Variants in DDX4 observed in about 807,000 individuals in gnomAD.
The protein encoded by DDX4 is DEAD-box helicase 4.
A neutral mutation model predicts 100.0 loss-of-function variants in DDX4; 25 were observed. That is an observed-to-expected ratio of 0.25 (90% CI 0.18 to 0.35). The LOEUF (loss-of-function observed/expected upper bound fraction) is 0.35, where lower values mean the gene tolerates loss of function less well. DDX4 is among the 10% of genes least tolerant of loss of function. DDX4 has a pLI of 1.00. For synonymous variants in DDX4, 259 were observed against 275.7 expected, an observed-to-expected ratio of 0.94 and a Z score of 0.60; for missense variants, 635 against 882.4, an observed-to-expected ratio of 0.72 and a Z score of 3.55.
intron 12 of DDX4, 102 bp from the exon 13 acceptor site, chr5:55,785,627 C>A: frequency 1.6e-6 from 2 of 1,280,600 alleles, no homozygotes; most frequent in South Asian, 2.8e-5. Flanking sequence ...GTGGGAAGTT[C>A]CATAGTATTT....
At chr5:55,815,472 A>G (rs773637075) in intron 21 of DDX4, 49 bp downstream of exon 21, 1 of 1,577,650 alleles carries the variant, frequency 6.3e-7, no homozygotes, top group East Asian at 2.2e-5. Flanking sequence ...TACTCTTTGT[A>G]AATGTTGTGC....
chr5:55,753,413 A>G (rs1033005321), intron 3 of DDX4, among the ~76,000 whole-genome samples: 44 of 152,110 alleles, frequency 2.9e-4, no homozygotes, highest in Non-Finnish European at 5.3e-4. Flanking sequence ...TCCCAGCACC[A>G]TTTATTAAAT....
intron 18 of DDX4, among the ~76,000 whole-genome samples, chr5:55,800,368 G>A (rs1743218740): frequency 1.4e-5 from 2 of 147,980 alleles, no homozygotes; most frequent in African/African-American, 5.1e-5. Flanking sequence ...CTGTCACCCA[G>A]GCTGGAGTAC....
chr5:55,792,494 G>A (rs112822749), intron 16 of DDX4, 147 bp from the exon 17 acceptor site: 17,987 of 342,212 alleles, frequency 0.053, 781 homozygotes, highest in African/African-American at 0.15. Flanking sequence ...CAGGTAGCTG[G>A]GACTACAGGC....
At chr5:55,809,448 A>G (rs1053833253) in intron 18 of DDX4, among the ~76,000 whole-genome samples, 24 of 152,182 alleles carry the variant, frequency 1.6e-4, no homozygotes, top group African/African-American at 5.5e-4. Context: ...CTATTTGGCC[A>G]TCTTGGCTCC....
At chr5:55,757,170 A>T (rs1194640426) in intron 3 of DDX4, among the ~76,000 whole-genome samples, 1 of 152,120 alleles carries the variant, frequency 6.6e-6, no homozygotes, top group East Asian at 1.9e-4. Flanking sequence ...TTACATGAGT[A>T]AGTTCTTTAG....
chr5:55,793,131 A>T (rs1742699207), intron 17 of DDX4, among the ~76,000 whole-genome samples: 2 of 151,612 alleles, frequency 1.3e-5, no homozygotes, highest in South Asian at 4.2e-4. Context: ...AGTTATTTTT[A>T]TTATTATGCC....
chr5:55,776,794 G>A (rs1039268048), intron 7 of DDX4, among the ~76,000 whole-genome samples: 16 of 151,920 alleles, frequency 1.1e-4, no homozygotes, highest in Non-Finnish European at 5.9e-5. Context: ...CAGGAAGAAA[G>A]GCATAGGAAA....
chr5:55,793,672 A>T (rs1742733495), intron 17 of DDX4, among the ~76,000 whole-genome samples: 1 of 152,260 alleles, frequency 6.6e-6, no homozygotes, highest in Admixed American at 6.5e-5. Flanking sequence ...TAGGTGGGCC[A>T]GTAGTGCTTG....
intron 1 of DDX4, 23 bp downstream of exon 1, chr5:55,738,124 G>A (rs1758790041): frequency 6.6e-6 from 1 of 152,316 alleles, no homozygotes; most frequent in Admixed American, 6.5e-5. Flanking sequence ...CTTTTCTACG[G>A]GAACTGGCCT....
intron 18 of DDX4, among the ~76,000 whole-genome samples, chr5:55,807,803 G>T (rs543332138): frequency 6.6e-6 from 1 of 152,102 alleles, no homozygotes; most frequent in African/African-American, 2.4e-5. Flanking sequence ...TATGTGTCTT[G>T]GAGTTGCTCT....
intron 18 of DDX4, among the ~76,000 whole-genome samples, chr5:55,809,952 G>A (rs1241372668): frequency 6.6e-6 from 1 of 152,144 alleles, no homozygotes; most frequent in African/African-American, 2.4e-5. Flanking sequence ...AGAATTTTGA[G>A]CAGTGTTTCT....
chr5:55,771,946 C>T (rs1276485045), intron 7 of DDX4, among the ~76,000 whole-genome samples: 1 of 152,028 alleles, frequency 6.6e-6, no homozygotes, highest in Non-Finnish European at 1.5e-5. Context: ...ACAGATAGGC[C>T]GGACGCGGTG....
rs776606902 is a variant in DDX4 at position 55,781,979 on chromosome 5, G to A, written c.623G>A (p.Arg208Gln). The A allele has an allele frequency of 8.1e-6, 13 of 1,613,824 alleles. No individual in the cohort carries two copies. The highest frequency in any genetic ancestry group is 1.6e-4 in the Middle Eastern group (1 of 6,082). Reference protein sequence around the residue: ...SQSRSGSGSERGGYKGLNEEV... With the variant: ...SQSRSGSGSEQGGYKGLNEEV... ...AGCAGAAGTGGCAGTGGAAGTGAAC[G>A]AGGTAAGTTCTTATTTTGTTTACCC... Residue 208 changes from arginine (R) to glutamine (Q), a missense_variant and splice_region_variant, in exon 10 of 22, where the codon CGA (arginine) becomes CAA (glutamine). Physicochemically the swap from Arg to Gln is conservative, Grantham distance 43. This residue lies in a region of DDX4 where 446 missense variants were observed against 540.8 expected (regional missense o/e 0.82). Coordinates refer to ENST00000505374, the MANE Select transcript of DDX4 (RefSeq NM_024415.3).
intron 3 of DDX4, among the ~76,000 whole-genome samples, chr5:55,753,359 G>T (rs895708849): frequency 1.6e-4 from 25 of 152,170 alleles, no homozygotes; most frequent in Non-Finnish European, 7.3e-5. Context: ...TAAGGTGTAA[G>T]GAAGGGATCC....
intron 5 of DDX4, among the ~76,000 whole-genome samples, 180 bp from the exon 6 acceptor site, chr5:55,763,834 G>A (rs973541899): frequency 5.9e-5 from 9 of 152,134 alleles, no homozygotes; most frequent in African/African-American, 1.9e-4. Flanking sequence ...TAAGAGAATG[G>A]AGTTGATAAA....
At chr5:55,750,340 C>T (rs1297765309) in intron 3 of DDX4, 1 of 153,942 alleles carries the variant, frequency 6.5e-6, no homozygotes, top group African/African-American at 2.4e-5. Flanking sequence ...TTGATAATAG[C>T]TTGCAGCTAG....
intron 18 of DDX4, among the ~76,000 whole-genome samples, chr5:55,802,547 G>C (rs1257635659): frequency 6.6e-6 from 1 of 152,176 alleles, no homozygotes; most frequent in East Asian, 1.9e-4. Flanking sequence ...AGAAGGACTA[G>C]TCCTGGAAAT....
chr5:55,739,051 T>C lies in DDX4; in HGVS notation c.69+19T>C. The stretch of plus-strand genomic sequence containing the variant: ...TGAGAAGGTAATAACATTTAAAGTT[T>C]AGTTATTAAATGCTACGGATTTTAT... On this transcript the variant is annotated intron_variant, in intron 2 of 21. Coordinates refer to ENST00000505374, the MANE Select transcript of DDX4 (RefSeq NM_024415.3). The C allele has an allele frequency of 2.1e-6, 3 of 1,425,292 alleles. No homozygotes were observed. The highest frequency in any genetic ancestry group is 3.0e-6 in the Non-Finnish European group (3 of 1,013,176). The allele number at this position is 1,425,292 out of a possible 1,614,324, so 88.3% of individuals were successfully genotyped here.
Sources: gnomAD v4.1 joint callset for allele counts (sites outside exome capture counted in the v4.1 genomes callset) on GRCh38, gnomAD v4.1.1 for gene constraint, gnomAD v4.1.1 regional missense constraint, MANE v1.5 for transcripts, NCBI Gene and HGNC (gene_info 2026-07-23, HGNC 2026-07-21) for gene names.